TDRKH: variants seen among roughly 807,000 people sequenced by gnomAD.
TDRKH encodes tudor and KH domain-containing protein.
TDRKH carries 28 observed loss-of-function variants against 61.3 expected under a neutral mutation model. The observed-to-expected ratio is 0.46, with a 90% CI of 0.34 to 0.63. The LOEUF (loss-of-function observed/expected upper bound fraction) is 0.63. TDRKH is among the 20% of genes least tolerant of loss of function. TDRKH has a pLI of 0.01. For missense variants in TDRKH, 540 were observed against 683.4 expected, an observed-to-expected ratio of 0.79 and a Z score of 2.34; for synonymous variants, 219 against 244.4, an observed-to-expected ratio of 0.90 and a Z score of 0.97.
At chr1:151,770,099 G>A, downstream of TDRKH, 1 of 453,462 alleles carries the variant, frequency 2.2e-6, no homozygotes, top group South Asian at 3.1e-5. Flanking sequence ...GGGAGACCAT[G>A]GGGAGACGGA....
At position 151,774,767 on chromosome 1, in the gene TDRKH, CAG is replaced by C. The variant is rs756735981; in HGVS notation, c.1574_1575del (p.Thr525ArgfsTer27). 232 of 1,614,142 alleles carry C rather than the reference CAG, an allele frequency of 1.4e-4. No individual in the cohort carries two copies. Among genetic ancestry groups the C allele is most frequent in the Non-Finnish European group, 1.5e-4 (178 of 1,180,014 alleles). On this transcript the variant is annotated frameshift_variant, in exon 12 of 13. Transcript: ENST00000368824. LOFTEE classifies it high-confidence loss of function. ...ETDASLSTLL[T>X]ETKKSSGEIT... Reference sequence around the variant, plus strand: ...ATCTCTCCAGAGCTCTTTTTGGTCTCAGTGAGCAACGTGCTGAGAGAGGCATC... The same window carrying C: ...ATCTCTCCAGAGCTCTTTTTGGTCTCTGAGCAACGTGCTGAGAGAGGCATC...
downstream of TDRKH, among the ~76,000 whole-genome samples, chr1:151,772,696 C>T (rs1648790767): frequency 6.6e-6 from 1 of 152,164 alleles, no homozygotes; most frequent in Non-Finnish European, 1.5e-5. Context: ...TATAAGGAAA[C>T]ACGTTAAAAT....
chr1:151,771,526 CACTAA>C, downstream of TDRKH: 1 of 394,114 alleles, frequency 2.5e-6, no homozygotes, highest in Non-Finnish European at 4.3e-6. Flanking sequence ...ATTTACTGAG[CACTAA>C]TCAGTGAACT....
chr1:151,767,155 C>G, downstream of TDRKH: 1 of 1,613,616 alleles, frequency 6.2e-7, no homozygotes, highest in Non-Finnish European at 8.5e-7. Context: ...GGTCTCTTTC[C>G]CAACCAGCAT....
At position 151,775,520 on chromosome 1, in the gene TDRKH, A is replaced by C. The variant is rs1282746470; in HGVS notation, c.1306T>G (p.Leu436Val). Reference sequence around the variant, plus strand: ...TGAGTGAGTCTATCAAACTCATCCAAAGCTTCCTCTTCCCACTGGTCACCT... The same window carrying C: ...TGAGTGAGTCTATCAAACTCATCCACAGCTTCCTCTTCCCACTGGTCACCT... Reference protein sequence around the residue: ...PSGDQWEEEALDEFDRLTHCA... With the variant: ...PSGDQWEEEAVDEFDRLTHCA... The change falls in exon 10 of 13, where the codon TTG becomes GTG. Residue 436 changes from leucine to valine, a missense_variant. Coordinates refer to ENST00000368824, the MANE Select transcript of TDRKH (RefSeq NM_001083965.2). 2 of 1,613,524 alleles carry C rather than the reference A, an allele frequency of 1.2e-6. No individual in the cohort carries two copies. The highest frequency in any genetic ancestry group is 2.7e-5 in the African/African-American group (2 of 74,872).
At chr1:151,771,344 G>T, downstream of TDRKH, 4 of 1,490,374 alleles carry the variant, frequency 2.7e-6, no homozygotes, top group East Asian at 2.4e-5. Flanking sequence ...AGTGTTCACG[G>T]TTTCTTGGGG....
chr1:151,779,997 C>T lies in TDRKH; in HGVS notation c.375G>A (p.Val125=). ...TCTGGGGAACTGAAAGCTGCTCAGA[C>T]ACTGGGGTATTCTCTGTCAGGATCT... ...IHQILTENTP[V]SEQLSVPQRS... The change falls in exon 4 of 13, where the codon GTG becomes GTA. Residue 125 remains valine, a synonymous_variant. Transcript: ENST00000368824. 1 of 1,614,074 alleles carries T rather than the reference C, an allele frequency of 6.2e-7. No individual in the cohort carries two copies. Among genetic ancestry groups the T allele is most frequent in the Non-Finnish European group, 8.5e-7 (1 of 1,179,918 alleles).
At chr1:151,781,328 A>AAAATATAT (rs1491536697) in intron 3 of TDRKH, among the ~76,000 whole-genome samples, 153 bp downstream of exon 3, 11 of 68,590 alleles carry the variant, frequency 1.6e-4, no homozygotes, top group South Asian at 3.7e-4. Flanking sequence ...AAAAAAAAAA[A>AAAATATAT]ATATATATAT....
At chr1:151,784,471 T>C (rs1289538650) in intron 1 of TDRKH, among the ~76,000 whole-genome samples, 1 of 152,222 alleles carries the variant, frequency 6.6e-6, no homozygotes, top group Admixed American at 6.5e-5. Flanking sequence ...GAGTCACCAA[T>C]GATTTCATAC....
chr1:151,771,668 T>G (rs1438528656), downstream of TDRKH: 2 of 370,536 alleles, frequency 5.4e-6, no homozygotes, highest in East Asian at 8.0e-5. Context: ...AGTTGGGGGA[T>G]CTCAACGGAC....
chr1:151,768,247 G>A, downstream of TDRKH: 1 of 1,603,990 alleles, frequency 6.2e-7, no homozygotes, highest in Non-Finnish European at 8.5e-7. Context: ...ACTGAGCCTG[G>A]ATGGGAGAAT....
downstream of TDRKH, chr1:151,766,746 TCTGTCTACTCC>T: frequency 6.4e-7 from 1 of 1,555,286 alleles, no homozygotes; most frequent in Non-Finnish European, 8.7e-7. Flanking sequence ...GTGTCGCCCC[TCTGTCTACTCC>T]CTTTCTTATA....
chr1:151,767,319 G>A (rs761294560), downstream of TDRKH: 1 of 1,609,742 alleles, frequency 6.2e-7, no homozygotes, highest in Non-Finnish European at 8.5e-7. Context: ...CTGTGAGCTA[G>A]TGCTGTGACA....
intron 3 of TDRKH, among the ~76,000 whole-genome samples, chr1:151,780,996 A>G (rs1649706103): frequency 6.6e-6 from 1 of 152,050 alleles, no homozygotes. Context: ...AGTTAGCTAA[A>G]AAGTTCCTCT....
At chr1:151,779,524 G>A (rs1397205287) in intron 4 of TDRKH, among the ~76,000 whole-genome samples, 1 of 152,136 alleles carries the variant, frequency 6.6e-6, no homozygotes, top group Non-Finnish European at 1.5e-5. Flanking sequence ...CAGGTCACAA[G>A]AAGATATGCT....
At chr1:151,774,555 A>G in intron 12 of TDRKH, 51 bp from the exon 13 acceptor site, 1 of 1,606,678 alleles carries the variant, frequency 6.2e-7, no homozygotes, top group Non-Finnish European at 8.5e-7. Flanking sequence ...CTATTCTAGC[A>G]GGCAATGCCA....
At chr1:151,784,556 C>CA (rs200918203) in intron 1 of TDRKH, among the ~76,000 whole-genome samples, 11,663 of 152,242 alleles carry the variant, frequency 0.077, 591 homozygotes, top group Non-Finnish European at 0.11. Flanking sequence ...GCTGATGATT[C>CA]CCTCTTCTCT....
Position 151,774,198 on chromosome 1 carries a change from T to C in TDRKH, c.*254A>G. ...ATGGATCCTTTATCATACACTCCTCTCCTCCATGCACCAATTCCTATGCCA... is the reference window on the plus strand; with the variant it reads ...ATGGATCCTTTATCATACACTCCTCCCCTCCATGCACCAATTCCTATGCCA... On this transcript the variant is annotated 3_prime_UTR_variant, in exon 13 of 13. Transcript: ENST00000368824. 1 of 524,820 alleles carries C rather than the reference T, an allele frequency of 1.9e-6. No homozygotes were observed. The highest frequency in any genetic ancestry group is 2.4e-5 in the South Asian group (1 of 41,584). 32.5% of individuals were successfully genotyped at this position (524,820 alleles called of 1,614,324 possible). A position where few individuals can be genotyped will look rare whatever the true frequency, so the allele number is the denominator to read the frequency against.
At chr1:151,786,845 A>G (rs886247423) in intron 1 of TDRKH, among the ~76,000 whole-genome samples, 26 of 152,288 alleles carry the variant, frequency 1.7e-4, no homozygotes, top group African/African-American at 6.0e-4. Context: ...AATTCAGTAT[A>G]TCATTTTTAG....
Sources: allele counts gnomAD v4.1 joint callset (sites outside exome capture counted in the v4.1 genomes callset), GRCh38; gene constraint gnomAD v4.1.1; transcripts MANE v1.5; gene names NCBI Gene and HGNC (gene_info 2026-07-23, HGNC 2026-07-21).